Variants in TBC1D21 observed in about 807,000 individuals in gnomAD.
TBC1D21 encodes TBC1 domain family member 21.
Under a neutral mutation model 46.0 loss-of-function variants are expected in TBC1D21, and 38 were observed. The observed-to-expected ratio is 0.83, with a 90% CI of 0.64 to 1.08. The LOEUF is 1.08. Among genes scored for constraint, TBC1D21 ranks in the 50% least tolerant of loss-of-function variants. The pLI, the probability that TBC1D21 is intolerant of heterozygous loss-of-function variation, is 0.00. For synonymous variants in TBC1D21, 151 were observed against 157.2 expected, an observed-to-expected ratio of 0.96 and a Z score of 0.29; for missense variants, 415 against 417.9, an observed-to-expected ratio of 0.99 and a Z score of 0.06.
chr15:73,908,699 A>G, the TBC1D21 span, among the ~76,000 whole-genome samples: 2 of 152,252 alleles, frequency 1.3e-5, no homozygotes, highest in Non-Finnish European at 2.9e-5. Context: ...GCTTACAGAC[A>G]GGAGCATCAC....
chr15:73,895,942 G>C, the TBC1D21 span, among the ~76,000 whole-genome samples: 10 of 152,228 alleles, frequency 6.6e-5, no homozygotes, highest in African/African-American at 2.4e-4. Context: ...GAACTTTGTG[G>C]GGAGAGTAGT....
At chr15:73,905,478 T>C in the TBC1D21 span, among the ~76,000 whole-genome samples, 1 of 152,176 alleles carries the variant, frequency 6.6e-6, no homozygotes, top group South Asian at 2.1e-4. Context: ...TAGATTAGAG[T>C]CCCCGGATTC....
the TBC1D21 span, among the ~76,000 whole-genome samples, chr15:73,897,675 T>G: frequency 6.6e-6 from 1 of 152,182 alleles, no homozygotes; most frequent in Non-Finnish European, 1.5e-5. Flanking sequence ...TCCTGGGCAA[T>G]CCCTGTGCTC....
At chr15:73,904,430 A>G in the TBC1D21 span, among the ~76,000 whole-genome samples, 7 of 152,254 alleles carry the variant, frequency 4.6e-5, no homozygotes, top group African/African-American at 1.7e-4. Context: ...CAGTGGCATT[A>G]TGCGGGTTGT....
At chr15:73,885,861 G>A (rs149582132) in intron 6 of TBC1D21, among the ~76,000 whole-genome samples, 2 of 151,214 alleles carry the variant, frequency 1.3e-5, no homozygotes, top group Middle Eastern at 3.4e-3. Context: ...ACCCAGAGGC[G>A]TACAACATAT....
chr15:73,894,291 G>T, the TBC1D21 span, among the ~76,000 whole-genome samples: 48,985 of 152,098 alleles, frequency 0.32, 8,598 homozygotes, highest in Middle Eastern at 0.51. Flanking sequence ...TGCAGAGCAG[G>T]CCCTCATCTC....
the TBC1D21 span, among the ~76,000 whole-genome samples, chr15:73,894,915 C>A: frequency 1.3e-5 from 2 of 152,330 alleles, no homozygotes; most frequent in South Asian, 4.1e-4. Flanking sequence ...GCTCCACTGT[C>A]CTGCCAGACC....
chr15:73,907,798 A>G, the TBC1D21 span, among the ~76,000 whole-genome samples: 1 of 152,136 alleles, frequency 6.6e-6, no homozygotes, highest in Admixed American at 6.5e-5. Flanking sequence ...TTGTTGGGGT[A>G]TAGACGTGAA....
the TBC1D21 span, among the ~76,000 whole-genome samples, chr15:73,902,034 G>C: frequency 6.6e-6 from 1 of 151,934 alleles, no homozygotes; most frequent in South Asian, 2.1e-4. Context: ...GGCTGGTCTC[G>C]AACTCCTGGC....
intron 1 of TBC1D21, among the ~76,000 whole-genome samples, chr15:73,881,044 T>G (rs1189864146): frequency 6.6e-6 from 1 of 152,198 alleles, no homozygotes; most frequent in African/African-American, 2.4e-5. Context: ...GTATTCTGCT[T>G]TTTTCTGTTA....
At chr15:73,896,846 C>T in the TBC1D21 span, among the ~76,000 whole-genome samples, 3 of 152,346 alleles carry the variant, frequency 2.0e-5, no homozygotes, top group East Asian at 3.9e-4. Context: ...CAGTTTCCCC[C>T]TCTGAAATGG....
At chr15:73,906,297 T>A in the TBC1D21 span, among the ~76,000 whole-genome samples, 2 of 151,980 alleles carry the variant, frequency 1.3e-5, no homozygotes, top group Non-Finnish European at 2.9e-5. Flanking sequence ...GTGGGAGACG[T>A]ATGTGGGAGG....
chr15:73,879,358 G>C (rs576263717), intron 1 of TBC1D21, among the ~76,000 whole-genome samples: 2 of 151,880 alleles, frequency 1.3e-5, no homozygotes, highest in Admixed American at 1.3e-4. Flanking sequence ...CAGGCACCCC[G>C]CCACCACACC....
chr15:73,886,095 CA>C lies in TBC1D21; in HGVS notation c.599del (p.Asn200ThrfsTer8), dbSNP rs1483408464. ...LQKTEHSCVI[N>X]IGVAKNLDML... ...GTGTGCAGGAACACAGCTGTGTCAT[CA>C]ACATTGGCGTGGCCAAGAACCTAGA... On this transcript the variant is annotated frameshift_variant, in exon 7 of 11. Transcript: ENST00000300504. LOFTEE classifies it high-confidence loss of function. 6.2e-7 allele frequency: 1 copy of C among 1,614,090 alleles called. No homozygotes were observed. The highest frequency in any genetic ancestry group is 8.5e-7 in the Non-Finnish European group (1 of 1,180,040).
At chr15:73,894,559 G>C in the TBC1D21 span, among the ~76,000 whole-genome samples, 2 of 152,160 alleles carry the variant, frequency 1.3e-5, no homozygotes, top group Non-Finnish European at 2.9e-5. Context: ...GGGGTTGCAG[G>C]AAGTCAGTCT....
chr15:73,885,479 G>A (rs796082993), intron 6 of TBC1D21, among the ~76,000 whole-genome samples: 2 of 152,020 alleles, frequency 1.3e-5, no homozygotes, highest in South Asian at 4.2e-4. Context: ...AATAACCTTA[G>A]CCAGTCATTC....
At chr15:73,900,515 G>C in the TBC1D21 span, among the ~76,000 whole-genome samples, 6 of 152,082 alleles carry the variant, frequency 3.9e-5, no homozygotes, top group Non-Finnish European at 8.8e-5. Context: ...TTCTCCCCTG[G>C]ACCAGGGGCC....
chr15:73,886,002 TG>T (rs1567068038), intron 6 of TBC1D21, 75 bp from the exon 7 acceptor site: 2 of 1,255,170 alleles, frequency 1.6e-6, no homozygotes, highest in Non-Finnish European at 2.3e-6. Flanking sequence ...GAAGTGAAGC[TG>T]GGGGAAGCAG....
intron 1 of TBC1D21, among the ~76,000 whole-genome samples, chr15:73,877,722 C>T (rs959423047): frequency 6.6e-6 from 1 of 152,130 alleles, no homozygotes; most frequent in African/African-American, 2.4e-5. Flanking sequence ...TATATCATCA[C>T]CAAGTGGGGC....
Sources: allele counts gnomAD v4.1 joint callset (sites outside exome capture counted in the v4.1 genomes callset), GRCh38; gene constraint gnomAD v4.1.1; transcripts MANE v1.5; gene names NCBI Gene and HGNC (gene_info 2026-07-23, HGNC 2026-07-21).